MYO1B: variants seen among roughly 807,000 people sequenced by gnomAD.
MYO1B encodes the protein unconventional myosin-Ib.
MYO1B carries 72 observed loss-of-function variants against 159.7 expected under a neutral mutation model. The observed-to-expected ratio is 0.45, with a 90% CI of 0.37 to 0.55. The LOEUF (loss-of-function observed/expected upper bound fraction) is 0.55, where lower values mean the gene tolerates loss of function less well. Ranked by LOEUF, MYO1B falls within the 20% of genes least tolerant of loss-of-function variation. The pLI is 0.00. For missense variants in MYO1B, 1,062 were observed against 1,364.8 expected, an observed-to-expected ratio of 0.78 and a Z score of 3.50; for synonymous variants, 468 against 473.8, an observed-to-expected ratio of 0.99 and a Z score of 0.16.
rs57237733 is a variant in MYO1B at position 191,260,254 on chromosome 2, C to CTTTTTTTTTTTTTTTTTTTT, written c.-10+14641_-10+14642insTTTTTTTTTTTTTTTTTTTT. On this transcript the variant is annotated intron_variant, in intron 1 of 30. Transcript: ENST00000392318. ...TAATATTACTTTTTTCCCAGATAGG[C>CTTTTTTTTTTTTTTTTTTTT]TTTTTTTTTTTTTGAATTAAAGCTA... 8.5e-4 allele frequency among the ~76,000 whole-genome samples: 52 copies of CTTTTTTTTTTTTTTTTTTTT among 61,002 alleles called. 18 individuals are homozygous for CTTTTTTTTTTTTTTTTTTTT. Among genetic ancestry groups the CTTTTTTTTTTTTTTTTTTTT allele is most frequent in the Non-Finnish European group, 1.5e-3 (37 of 25,284 alleles). 40.0% of individuals were successfully genotyped at this position (61,002 alleles called of 152,430 possible). A position where few individuals can be genotyped will look rare whatever the true frequency, so the allele number is the denominator to read the frequency against.
chr2:191,272,443 C>CT (rs1160739494), intron 1 of MYO1B, among the ~76,000 whole-genome samples: 2 of 152,172 alleles, frequency 1.3e-5, no homozygotes, highest in Non-Finnish European at 2.9e-5. Flanking sequence ...CCACCTGGGG[C>CT]TAGTAAGAAG....
intron 1 of MYO1B, among the ~76,000 whole-genome samples, chr2:191,270,232 C>G (rs989428456): frequency 1.3e-5 from 2 of 152,120 alleles, no homozygotes; most frequent in African/African-American, 2.4e-5. Context: ...TAAAAAGGAG[C>G]TTTCAAAAGG....
At chr2:191,400,156 C>CG (rs1270699271) in intron 21 of MYO1B, among the ~76,000 whole-genome samples, 2 of 152,050 alleles carry the variant, frequency 1.3e-5, no homozygotes, top group Non-Finnish European at 2.9e-5. Flanking sequence ...TATCAGGGTA[C>CG]GGGAGGCTGC....
rs761119850 is a variant in MYO1B at position 191,408,106 on chromosome 2, T to G, written c.2557-9T>G. The G allele has an allele frequency of 6.2e-7, 1 of 1,603,048 alleles. No homozygotes were observed. The highest frequency in any genetic ancestry group is 1.7e-5 in the Admixed American group (1 of 59,984). The stretch of plus-strand genomic sequence containing the variant: ...ATTAACCACTGTAACCTACATCTTC[T>G]TTTTAAAGGTACGTAGAGAATACAG... On this transcript the variant is annotated splice_polypyrimidine_tract_variant and intron_variant, in intron 24 of 30. Transcript: ENST00000392318.
intron 4 of MYO1B, among the ~76,000 whole-genome samples, chr2:191,338,071 G>A (rs952503585): frequency 6.6e-6 from 1 of 151,918 alleles, no homozygotes. Flanking sequence ...CATCCTTACT[G>A]GTTTATTAAT....
intron 20 of MYO1B, 104 bp from the exon 21 acceptor site, chr2:191,396,325 T>A: frequency 8.5e-7 from 1 of 1,179,342 alleles, no homozygotes; most frequent in Non-Finnish European, 1.3e-6. Context: ...GGAGTATGGA[T>A]AATTGAGTCA....
intron 2 of MYO1B, among the ~76,000 whole-genome samples, chr2:191,294,984 G>A (rs1430225407): frequency 1.1e-4 from 17 of 152,070 alleles, no homozygotes; most frequent in Non-Finnish European, 2.5e-4. Flanking sequence ...TGGTAATACT[G>A]GAAAAACTTG....
rs531964021 is a variant in MYO1B at position 191,334,364 on chromosome 2, T to C, written c.346+4335T>C. Among the ~76,000 whole-genome samples, 4 of 152,272 alleles carry C rather than the reference T, an allele frequency of 2.6e-5. 1 individual carries two copies. In the South Asian group the frequency reaches 8.3e-4, roughly 32 times the overall value. On this transcript the variant is annotated intron_variant, in intron 4 of 30. Transcript: ENST00000392318. ...CCATCTCCTGATGGGCTCATGTATC[T>C]TCCTTACTGAAAAACTGAGTGGAGG...
intron 13 of MYO1B, among the ~76,000 whole-genome samples, chr2:191,377,081 A>G (rs976904613): frequency 6.6e-6 from 1 of 152,198 alleles, no homozygotes; most frequent in African/African-American, 2.4e-5. Context: ...CTCAAAGTCT[A>G]GAATTCTTAA....
intron 4 of MYO1B, among the ~76,000 whole-genome samples, chr2:191,330,562 C>A (rs931072450): frequency 7.2e-5 from 11 of 152,084 alleles, no homozygotes; most frequent in African/African-American, 2.7e-4. Flanking sequence ...GCTTTTTTCC[C>A]CTTGTGCTTT....
intron 24 of MYO1B, among the ~76,000 whole-genome samples, chr2:191,404,116 CT>C (rs35309629): frequency 1.6e-4 from 24 of 151,640 alleles, no homozygotes; most frequent in African/African-American, 4.6e-4. Context: ...TAATTTTGTA[CT>C]TTTTTTTTCT....
At chr2:191,334,630 C>G (rs1473996495) in intron 4 of MYO1B, among the ~76,000 whole-genome samples, 1 of 152,058 alleles carries the variant, frequency 6.6e-6, no homozygotes, top group Non-Finnish European at 1.5e-5. Flanking sequence ...GATCCTGTTG[C>G]CCTTTATCAG....
intron 11 of MYO1B, among the ~76,000 whole-genome samples, chr2:191,366,433 TC>T (rs1263991793): frequency 6.6e-6 from 1 of 152,052 alleles, no homozygotes; most frequent in African/African-American, 2.4e-5. Flanking sequence ...GTTCTACTGA[TC>T]TATTGCCTGG....
chr2:191,366,383 G>GTT (rs200164204), intron 11 of MYO1B, among the ~76,000 whole-genome samples: 4 of 145,830 alleles, frequency 2.7e-5, no homozygotes, highest in African/African-American at 1.0e-4. Flanking sequence ...TTAGTCAACT[G>GTT]TTTTTTTTTT....
At chr2:191,286,055 G>A (rs1218544495) in intron 2 of MYO1B, among the ~76,000 whole-genome samples, 1 of 152,044 alleles carries the variant, frequency 6.6e-6, no homozygotes, top group Non-Finnish European at 1.5e-5. Flanking sequence ...TAGAAACCTT[G>A]GGCAAGTTAT....
intron 2 of MYO1B, among the ~76,000 whole-genome samples, chr2:191,290,763 A>G (rs988517105): frequency 2.6e-5 from 4 of 152,168 alleles, no homozygotes; most frequent in African/African-American, 9.7e-5. Flanking sequence ...TCTGTAGTCT[A>G]TTGAGACTAT....
intron 24 of MYO1B, chr2:191,407,874 A>T (rs1269109927): frequency 3.2e-6 from 1 of 308,744 alleles, no homozygotes; most frequent in Non-Finnish European, 5.9e-6. Context: ...AGATTCTTCA[A>T]AAACTACTAA....
chr2:191,399,039 G>A (rs1328792981), intron 21 of MYO1B, among the ~76,000 whole-genome samples: 7 of 152,334 alleles, frequency 4.6e-5, no homozygotes, highest in East Asian at 3.9e-4. Flanking sequence ...CGAGGCTGGC[G>A]GATCACTCGC....
chr2:191,369,467 T>G, intron 11 of MYO1B, 75 bp from the exon 12 acceptor site: 2 of 1,089,130 alleles, frequency 1.8e-6, no homozygotes. Context: ...TTTTTAAAAG[T>G]ATCTTTATGA....
Sources: allele counts gnomAD v4.1 joint callset (sites outside exome capture counted in the v4.1 genomes callset), GRCh38; gene constraint gnomAD v4.1.1; transcripts MANE v1.5; gene names NCBI Gene and HGNC (gene_info 2026-07-23, HGNC 2026-07-21).